The following SLC2A14 variants were observed in gnomAD, a reference collection of about 807,000 sequenced individuals.
SLC2A14 encodes solute carrier family 2, facilitated glucose transporter member 14.
A neutral mutation model predicts 43.0 loss-of-function variants in SLC2A14; 13 were observed. The observed-to-expected ratio is 0.30, with a 90% CI of 0.20 to 0.48. The LOEUF (loss-of-function observed/expected upper bound fraction) is 0.48. Among genes scored for constraint, SLC2A14 ranks in the 20% least tolerant of loss-of-function variants. The pLI, the probability that SLC2A14 is intolerant of heterozygous loss-of-function variation, is 0.99. For synonymous variants in SLC2A14, 190 were observed against 233.8 expected, an observed-to-expected ratio of 0.81 and a Z score of 1.71; for missense variants, 428 against 620.4, an observed-to-expected ratio of 0.69 and a Z score of 3.29.
intron 1 of SLC2A14, chr12:7,872,328 C>G (rs990298978): frequency 2.0e-5 from 3 of 152,142 alleles, no homozygotes; most frequent in African/African-American, 7.2e-5. Flanking sequence ...CAGTTCCCTC[C>G]GCCTGGATCA....
At chr12:7,834,098 G>A (rs1053781380) in intron 2 of SLC2A14, among the ~76,000 whole-genome samples, 2 of 152,084 alleles carry the variant, frequency 1.3e-5, no homozygotes, top group Non-Finnish European at 2.9e-5. Flanking sequence ...ACCCTGGAGG[G>A]CCCTGCCAGT....
chr12:7,853,361 C>G (rs1446844509), intron 2 of SLC2A14, among the ~76,000 whole-genome samples: 2 of 150,712 alleles, frequency 1.3e-5, no homozygotes, highest in African/African-American at 4.9e-5. Context: ...ATCGCTTGAA[C>G]CCGGGAGGTG....
At chr12:7,852,594 A>T (rs952781403) in intron 2 of SLC2A14, among the ~76,000 whole-genome samples, 1 of 152,158 alleles carries the variant, frequency 6.6e-6, no homozygotes, top group Non-Finnish European at 1.5e-5. Context: ...TTTGTTACAG[A>T]GGCTTGTCCC....
intron 2 of SLC2A14, among the ~76,000 whole-genome samples, chr12:7,851,051 C>T (rs772446415): frequency 1.6e-4 from 24 of 152,292 alleles, no homozygotes; most frequent in African/African-American, 5.1e-4. Context: ...CTTGGTACAA[C>T]AGCAGAAAGC....
rs779807068 is a variant in SLC2A14, at chr12:7,871,913, A to G, written c.-58+894T>C. On this transcript the variant is annotated intron_variant, in intron 1 of 10. Transcript: ENST00000431042. The stretch of plus-strand genomic sequence containing the variant: ...ATCGTGGGAGTGTGCTCAAGAAGCC[A>G]TCTGTCCCAGGGGAGGCAGAATCTC... 4.2e-4 allele frequency: 413 copies of G among 984,968 alleles called. No individual in the cohort carries two copies. The African/African-American group carries it at 6.8e-3, about 16-fold the overall frequency. 61.0% of individuals were successfully genotyped at this position (984,968 alleles called of 1,614,324 possible). A position where few individuals can be genotyped will look rare whatever the true frequency, so the allele number is the denominator to read the frequency against.
chr12:7,818,512 A>G (rs1486768708), intron 9 of SLC2A14, among the ~76,000 whole-genome samples: 1 of 152,020 alleles, frequency 6.6e-6, no homozygotes, highest in Non-Finnish European at 1.5e-5. Flanking sequence ...AAACACAAAA[A>G]TTAGCTGGGT....
At chr12:7,823,481 G>A (rs1864098916) in intron 7 of SLC2A14, among the ~76,000 whole-genome samples, 1 of 152,152 alleles carries the variant, frequency 6.6e-6, no homozygotes. Flanking sequence ...CCAGCAATTT[G>A]GGAGGCCAAG....
chr12:7,835,198 C>T (rs1213786224), intron 2 of SLC2A14, among the ~76,000 whole-genome samples: 4 of 151,932 alleles, frequency 2.6e-5, no homozygotes, highest in Non-Finnish European at 2.9e-5. Context: ...TACAGCCTGA[C>T]CAGTATGGTG....
chr12:7,817,378 G>A (rs1229475933), intron 10 of SLC2A14, among the ~76,000 whole-genome samples: 2 of 152,106 alleles, frequency 1.3e-5, no homozygotes, highest in Admixed American at 1.3e-4. Flanking sequence ...GCCGCCCAAA[G>A]TGCTGGGATT....
chr12:7,847,877 A>T lies in SLC2A14; in HGVS notation c.19-15063T>A, dbSNP rs779167025. 1.3e-4 allele frequency among the ~76,000 whole-genome samples: 20 copies of T among 152,258 alleles called. No individual in the cohort carries two copies. The South Asian group carries it at 3.7e-3, about 28-fold the overall frequency. On this transcript the variant is annotated intron_variant, in intron 2 of 10. Transcript: ENST00000431042. ...TGAGAATTGAGAGAGTCAAAAGAGG[A>T]ACTACACAGGTGATAAAATGCCATC...
chr12:7,886,229 A>G (rs1169269668), intron 1 of SLC2A14, among the ~76,000 whole-genome samples: 1 of 141,580 alleles, frequency 7.1e-6, no homozygotes, highest in East Asian at 2.1e-4. Flanking sequence ...TGATGCAATC[A>G]TGGCTCACTG....
At chr12:7,841,167 T>C (rs1486662876) in intron 2 of SLC2A14, among the ~76,000 whole-genome samples, 5 of 152,116 alleles carry the variant, frequency 3.3e-5, no homozygotes, top group Non-Finnish European at 5.9e-5. Context: ...TACAGAAAAA[T>C]TGAGCAGAAA....
Position 7,836,243 on chromosome 12 carries a change from C to T in SLC2A14, c.19-3429G>A, listed in dbSNP as rs769165313. Among the ~76,000 whole-genome samples, 31 of 137,082 alleles carry T rather than the reference C, an allele frequency of 2.3e-4. 1 individual carries two copies. The South Asian group carries it at 3.6e-3, about 16-fold the overall frequency. 89.9% of individuals were successfully genotyped at this position (137,082 alleles called of 152,430 possible). A position where few individuals can be genotyped will look rare whatever the true frequency, so the allele number is the denominator to read the frequency against. On this transcript the variant is annotated intron_variant, in intron 2 of 10. Coordinates refer to ENST00000431042, the MANE Select transcript of SLC2A14 (RefSeq NM_001286234.2). The stretch of plus-strand genomic sequence containing the variant: ...TATAACTTTTTTTTTTTTTTTGAGA[C>T]GCAGTCTCACTTGGTCACCCAGGCT...
At chr12:7,866,613 G>A (rs1944928329) in intron 2 of SLC2A14, among the ~76,000 whole-genome samples, 2 of 152,102 alleles carry the variant, frequency 1.3e-5, no homozygotes, top group Non-Finnish European at 2.9e-5. Flanking sequence ...TGATCCACCC[G>A]CCTCAGCCTC....
At chr12:7,848,633 G>T (rs760098366) in intron 2 of SLC2A14, among the ~76,000 whole-genome samples, 2 of 150,794 alleles carry the variant, frequency 1.3e-5, no homozygotes, top group Admixed American at 6.6e-5. Flanking sequence ...TCAGCTCACC[G>T]CAACCTCCAC....
upstream of SLC2A14, among the ~76,000 whole-genome samples, chr12:7,874,923 ATATTTATATATAATT>A (rs1565585085): frequency 4.0e-5 from 2 of 50,134 alleles, no homozygotes; most frequent in African/African-American, 2.2e-4. Flanking sequence ...ATATAAATAT[ATATTTATATATAATT>A]TATATATAAA....
chr12:7,853,527 G>T (rs1424586691), intron 2 of SLC2A14, among the ~76,000 whole-genome samples: 2 of 151,906 alleles, frequency 1.3e-5, no homozygotes, highest in Non-Finnish European at 2.9e-5. Context: ...TTGAACCCAG[G>T]AGACAGAGGT....
In SLC2A14 at chr12:7,829,889, G is replaced by A. The variant is rs748056608; in HGVS notation, c.390C>T (p.Leu130=). 3.1e-6 allele frequency: 5 copies of A among 1,614,196 alleles called. No individual in the cohort carries two copies. The South Asian group carries it at 5.5e-5, about 18-fold the overall frequency. Residue 130 remains leucine, a synonymous_variant, in exon 5 of 11, where the codon CTC becomes CTT. Transcript: ENST00000431042. ...CAAAACCTGTGCAGAGTCCGCAGAAGAGGCCAATAACCAAGCGGCCCAGGA... is the reference window on the plus strand; with the variant it reads ...CAAAACCTGTGCAGAGTCCGCAGAAAAGGCCAATAACCAAGCGGCCCAGGA... ...MLILGRLVIG[L]FCGLCTGFVP...
At chr12:7,815,472 C>T (rs778734932) in intron 10 of SLC2A14, among the ~76,000 whole-genome samples, 2 of 152,166 alleles carry the variant, frequency 1.3e-5, no homozygotes, top group South Asian at 2.1e-4. Context: ...TCTTTTCTGC[C>T]GTCATTTTTT....
Sources: gnomAD v4.1 joint callset for allele counts (sites outside exome capture counted in the v4.1 genomes callset) on GRCh38, gnomAD v4.1.1 for gene constraint, MANE v1.5 for transcripts, NCBI Gene and HGNC (gene_info 2026-07-23, HGNC 2026-07-21) for gene names.